The following C3orf52 variants were observed in gnomAD, a reference collection of about 807,000 sequenced individuals.
C3orf52 encodes the protein chromosome 3 open reading frame 52.
In C3orf52, 22 loss-of-function variants were observed where a neutral mutation model predicts 24.8. The ratio of observed to expected loss-of-function variants is 0.89; its 90% CI spans 0.63 to 1.27. The LOEUF (loss-of-function observed/expected upper bound fraction) is 1.27, where lower values mean the gene tolerates loss of function less well. C3orf52 is among the 50% of genes most tolerant of loss of function. The pLI, the probability that C3orf52 is intolerant of heterozygous loss-of-function variation, is 0.00. For missense variants in C3orf52, 265 were observed against 260.7 expected (o/e 1.02, Z -0.11); for synonymous variants, 93 against 100.2 (o/e 0.93, Z 0.43).
intron 1 of C3orf52, among the ~76,000 whole-genome samples, chr3:112,090,186 T>G (rs1313020649): frequency 1.3e-5 from 2 of 152,152 alleles, no homozygotes; most frequent in Non-Finnish European, 2.9e-5. Context: ...CGGGCGTTAC[T>G]TCTAAAAGAT....
intron 3 of C3orf52, among the ~76,000 whole-genome samples, chr3:112,104,364 G>C (rs2074005571): frequency 6.6e-6 from 1 of 152,182 alleles, no homozygotes. Flanking sequence ...AGAGCAGGCT[G>C]CCCTCCATTA....
At position 112,086,422 on chromosome 3, in the gene C3orf52, A is replaced by C. The variant is rs2073825344; in HGVS notation, c.15A>C (p.Gln5His). The C allele has an allele frequency of 6.5e-7, 1 of 1,548,880 alleles. No homozygotes were observed. Among genetic ancestry groups the C allele is most frequent in the Non-Finnish European group, 8.7e-7 (1 of 1,145,712 alleles). Residue 5 changes from glutamine to histidine, a missense_variant, in exon 1 of 6, where the codon CAA becomes CAC. Transcript: ENST00000264848. MDLA[Q>H]PSQPVDELEL... The stretch of plus-strand genomic sequence containing the variant: ...CCTGCCGGCACATGGACCTGGCCCA[A>C]CCCTCACAGCCAGTAGACGAGCTGG...
chr3:112,094,893 A>G (rs1312535908), intron 2 of C3orf52, among the ~76,000 whole-genome samples: 5 of 152,220 alleles, frequency 3.3e-5, no homozygotes, highest in African/African-American at 1.2e-4. Flanking sequence ...TCCAGCTCCC[A>G]GTTACAAACC....
At chr3:112,100,633 C>A (rs1179372480) in intron 2 of C3orf52, among the ~76,000 whole-genome samples, 2 of 152,210 alleles carry the variant, frequency 1.3e-5, no homozygotes, top group South Asian at 2.1e-4. Flanking sequence ...TCTTGGCATC[C>A]CCTATTGTTT....
intron 2 of C3orf52, among the ~76,000 whole-genome samples, chr3:112,098,001 G>T (rs1243460851): frequency 2.0e-5 from 3 of 152,192 alleles, no homozygotes; most frequent in Admixed American, 6.5e-5. Flanking sequence ...TCAACCTCAG[G>T]TATAAATGGG....
At chr3:112,131,052 G>C (rs1303503293), downstream of C3orf52, 1 of 156,268 alleles carries the variant, frequency 6.4e-6, no homozygotes, top group African/African-American at 2.4e-5. Context: ...CCACTTGTTG[G>C]GAATTGGGAG....
Position 112,093,398 on chromosome 3 carries a change from T to A in C3orf52, c.177T>A (p.Asn59Lys). 5 of 1,613,946 alleles carry A rather than the reference T, an allele frequency of 3.1e-6. No homozygotes were observed. The highest frequency in any genetic ancestry group is 4.2e-6 in the Non-Finnish European group (5 of 1,179,850). ...KESPWSSCNK[N>K]VVGRCKLWMI... ...GCCCCTGGAGCTCCTGTAATAAGAA[T>A]GTGGTTGGAAGATGCAAACTGTGGA... Residue 59 changes from asparagine (N) to lysine (K), a missense_variant, in exon 2 of 6, where the codon AAT (asparagine) becomes AAA (lysine). Transcript: ENST00000264848.
chr3:112,123,627 C>T, intron 4 of C3orf52: 2 of 1,614,140 alleles, frequency 1.2e-6, no homozygotes, highest in Non-Finnish European at 1.7e-6. Context: ...CTCAGTTCCT[C>T]CCAAGGACTC....
intron 3 of C3orf52, among the ~76,000 whole-genome samples, chr3:112,103,953 CT>C (rs1158202846): frequency 1.3e-5 from 2 of 152,102 alleles, no homozygotes; most frequent in African/African-American, 4.8e-5. Context: ...TAGATTTTTC[CT>C]TTTAGCCTTT....
At position 112,086,472 on chromosome 3, in the gene C3orf52, C is replaced by A. The variant is rs972174974; in HGVS notation, c.65C>A (p.Pro22Gln). 6.4e-7 allele frequency: 1 copy of A among 1,551,532 alleles called. No individual in the cohort carries two copies. The highest frequency in any genetic ancestry group is 8.7e-7 in the Non-Finnish European group (1 of 1,146,886). Reference sequence around the variant, plus strand: ...GAGCTCTCGGTGCTCGAGCGGCAGCCAGAAGAGAACACGCCTCTCAATGGT... The same window carrying A: ...GAGCTCTCGGTGCTCGAGCGGCAGCAAGAAGAGAACACGCCTCTCAATGGT... ...ELELSVLERQ[P>Q]EENTPLNGAD... The change falls in exon 1 of 6, where the codon CCA becomes CAA. Residue 22 changes from proline to glutamine, a missense_variant. Coordinates refer to ENST00000264848, the MANE Select transcript of C3orf52 (RefSeq NM_024616.3).
At chr3:112,133,988 GC>G (rs1422464900), downstream of C3orf52, 1 of 152,220 alleles carries the variant, frequency 6.6e-6, no homozygotes, top group Non-Finnish European at 1.5e-5. Flanking sequence ...CCTATCCCGT[GC>G]CCATATAAAC....
At chr3:112,120,419 C>T (rs1057396293), downstream of C3orf52, among the ~76,000 whole-genome samples, 2 of 152,166 alleles carry the variant, frequency 1.3e-5, no homozygotes, top group South Asian at 4.1e-4. Flanking sequence ...CAGATTTTCC[C>T]GCCCTATCTT....
rs1303829223 is a variant in C3orf52, at chr3:112,125,201, A to G, written c.*47-3032A>G. 2.0e-6 allele frequency: 3 copies of G among 1,500,356 alleles called. No individual in the cohort carries two copies. In the East Asian group the frequency reaches 6.8e-5, roughly 34 times the overall value. The allele number at this position is 1,500,356 out of a possible 1,614,324, so 92.9% of individuals were successfully genotyped here. Reference sequence around the variant, plus strand: ...CTGTACTTCTATCATCATCTCAAAAAATAGCTTAGAGATGTTCTTATTACC... The same window carrying G: ...CTGTACTTCTATCATCATCTCAAAAGATAGCTTAGAGATGTTCTTATTACC... On this transcript the variant is annotated intron_variant, in intron 4 of 4. Transcript: ENST00000480282.
At chr3:112,094,214 T>C (rs925540051) in intron 2 of C3orf52, among the ~76,000 whole-genome samples, 8 of 152,204 alleles carry the variant, frequency 5.3e-5, no homozygotes, top group Admixed American at 6.5e-5. Flanking sequence ...GGGTTGGTCT[T>C]GAACTCCTGA....
At chr3:112,108,651 C>G (rs1434849507) in intron 3 of C3orf52, among the ~76,000 whole-genome samples, 1 of 152,070 alleles carries the variant, frequency 6.6e-6, no homozygotes, top group East Asian at 1.9e-4. Context: ...AGGTGAATGC[C>G]TTTCATTGAG....
chr3:112,127,967 A>G (rs374674446), intron 4 of C3orf52: 4 of 1,543,394 alleles, frequency 2.6e-6, no homozygotes, highest in East Asian at 2.3e-5. Context: ...CAAATACCAC[A>G]TTGAAACCAC....
chr3:112,123,880 A>C, intron 4 of C3orf52: 1 of 1,168,546 alleles, frequency 8.6e-7, no homozygotes, highest in South Asian at 1.5e-5. Flanking sequence ...TTCTATGACC[A>C]CCTCCTCCCC....
rs940068671 is a variant in C3orf52 at position 112,090,029 on chromosome 3, C to T, written c.139-3331C>T. ...AGAATCTATGTGTGGCCTCTCCTCA[C>T]GATCTAGAATTTGGGCAAGAGAGAT... On this transcript the variant is annotated intron_variant, in intron 1 of 5. Transcript: ENST00000264848. Among the ~76,000 whole-genome samples the T allele has an allele frequency of 2.0e-5, 3 of 152,140 alleles. No individual in the cohort carries two copies. In the South Asian group the frequency reaches 6.2e-4, roughly 31 times the overall value.
In C3orf52 at chr3:112,116,712, ACT is replaced by A. The variant is rs1417107686; in HGVS notation, c.*69_*70del. On this transcript the variant is annotated 3_prime_UTR_variant, in exon 6 of 6. Transcript: ENST00000264848. ...CAAGTCCTGGAGATGAAGGGAATTC[ACT>A]CTGTTTTGCAGAAAAGATTCTGTGG... The A allele has an allele frequency of 1.3e-6, 2 of 1,570,608 alleles. No individual in the cohort carries two copies. Among genetic ancestry groups the A allele is most frequent in the East Asian group, 4.6e-5 (2 of 43,264 alleles).
Sources: allele counts gnomAD v4.1 joint callset (sites outside exome capture counted in the v4.1 genomes callset), GRCh38; gene constraint gnomAD v4.1.1; transcripts MANE v1.5; gene names NCBI Gene and HGNC (gene_info 2026-07-23, HGNC 2026-07-21).